VPS13B: variants seen among roughly 807,000 people sequenced by gnomAD.
VPS13B encodes vacuolar protein sorting 13 homolog B, also known as intermembrane lipid transfer protein VPS13B.
VPS13B carries 285 observed loss-of-function variants against 426.4 expected under a neutral mutation model. The observed-to-expected ratio is 0.67, with a 90% CI of 0.61 to 0.74. The LOEUF (loss-of-function observed/expected upper bound fraction) is 0.74. VPS13B is among the 30% of genes least tolerant of loss of function. The probability of loss-of-function intolerance (pLI) is 0.00; values close to 1 mark genes in which losing one functional copy is unlikely to be tolerated. For synonymous variants in VPS13B, 1,676 were observed against 1,676.4 expected (o/e 1.00, Z 0.01); for missense variants, 4,537 against 4,782.6 (o/e 0.95, Z 1.51).
intron 36 of VPS13B, among the ~76,000 whole-genome samples, chr8:99,700,883 C>T (rs1294399445): frequency 1.3e-5 from 2 of 152,008 alleles, no homozygotes; most frequent in Non-Finnish European, 2.9e-5. Flanking sequence ...AAAAGGGAAC[C>T]ATGTATTTTC....
intron 3 of VPS13B, among the ~76,000 whole-genome samples, chr8:99,062,499 G>A (rs934158817): frequency 2.6e-5 from 4 of 151,992 alleles, no homozygotes; most frequent in South Asian, 2.1e-4. Context: ...GCAGAGTTTC[G>A]CTTTTGTTGC....
chr8:99,827,302 G>A (rs1415358612), intron 51 of VPS13B, among the ~76,000 whole-genome samples: 2 of 152,074 alleles, frequency 1.3e-5, no homozygotes, highest in Non-Finnish European at 2.9e-5. Context: ...TCTTAAGAGG[G>A]TGTATGTGTC....
chr8:99,461,572 A>C (rs1437573437), intron 23 of VPS13B, among the ~76,000 whole-genome samples: 2 of 152,052 alleles, frequency 1.3e-5, no homozygotes, highest in Non-Finnish European at 2.9e-5. Context: ...AGGTTATCTA[A>C]TTGTTTTCCC....
At chr8:99,071,817 C>T in intron 3 of VPS13B, among the ~76,000 whole-genome samples, 1 of 152,178 alleles carries the variant, frequency 6.6e-6, no homozygotes. Context: ...GTTTCCTCTC[C>T]TTTTCAGAAG....
rs546620025 is a variant in VPS13B, at chr8:99,638,312, T to C, written c.5221-3499T>C. 8.5e-5 allele frequency among the ~76,000 whole-genome samples: 13 copies of C among 152,248 alleles called. No individual in the cohort carries two copies. In the East Asian group the frequency reaches 2.3e-3, roughly 27 times the overall value. ...TCAATCTCTATAAAACTCAATTTTC[T>C]CAGCTGTAAAATGGAGATAGTAGTA... is the stretch of plus-strand genomic sequence containing the variant. On this transcript the variant is annotated intron_variant, in intron 33 of 61. Transcript: ENST00000357162.
At chr8:99,213,817 T>G (rs1815239565) in intron 17 of VPS13B, among the ~76,000 whole-genome samples, 1 of 96,476 alleles carries the variant, frequency 1.0e-5, no homozygotes, top group Non-Finnish European at 2.1e-5. Flanking sequence ...AGTTGCTGGA[T>G]GCCTTTTTTT....
At chr8:99,519,041 G>A (rs1037647353) in intron 29 of VPS13B, among the ~76,000 whole-genome samples, 1 of 152,188 alleles carries the variant, frequency 6.6e-6, no homozygotes, top group African/African-American at 2.4e-5. Flanking sequence ...GGTTTATACA[G>A]CTACTATAGT....
At chr8:99,136,199 C>CT (rs548126797) in intron 11 of VPS13B, among the ~76,000 whole-genome samples, 115 of 151,952 alleles carry the variant, frequency 7.6e-4, no homozygotes, top group South Asian at 3.7e-3. Flanking sequence ...ACATTTTACT[C>CT]TTTTTTTATC....
intron 31 of VPS13B, among the ~76,000 whole-genome samples, chr8:99,569,024 A>G (rs1287667981): frequency 6.6e-6 from 1 of 151,358 alleles, no homozygotes; most frequent in Non-Finnish European, 1.5e-5. Context: ...GGGTCTCACC[A>G]TGTTAGCCAG....
intron 16 of VPS13B, among the ~76,000 whole-genome samples, chr8:99,180,269 T>C (rs1298916991): frequency 1.3e-5 from 2 of 152,226 alleles, no homozygotes; most frequent in South Asian, 4.1e-4. Context: ...TTTTGGCTCA[T>C]ATCGAGCAAG....
rs207469601 is a variant in VPS13B, at chr8:99,391,553, C to A, written c.2935-4C>A. On this transcript the variant is annotated splice_region_variant and splice_polypyrimidine_tract_variant and intron_variant, in intron 20 of 61. Coordinates refer to ENST00000357162, the MANE Select transcript of VPS13B (RefSeq NM_152564.5). ...AAAAAGGTTTTCATTTTGTCTCTTTCCAGCAGCCTGTGGTAGCTGTTCCTC... is the reference window on the plus strand; with the variant it reads ...AAAAAGGTTTTCATTTTGTCTCTTTACAGCAGCCTGTGGTAGCTGTTCCTC... 1.2e-6 allele frequency: 2 copies of A among 1,614,048 alleles called. No homozygotes were observed. The highest frequency in any genetic ancestry group is 1.3e-5 in the African/African-American group (1 of 74,916).
intron 19 of VPS13B, among the ~76,000 whole-genome samples, chr8:99,283,819 C>A (rs1193539801): frequency 1.3e-5 from 2 of 152,124 alleles, no homozygotes; most frequent in Admixed American, 1.3e-4. Flanking sequence ...AACATAGGAA[C>A]AAAGTACTTT....
At chr8:99,491,942 G>C (rs539559078) in intron 25 of VPS13B, among the ~76,000 whole-genome samples, 1 of 152,128 alleles carries the variant, frequency 6.6e-6, no homozygotes, top group East Asian at 1.9e-4. Context: ...GAGAAGAGGC[G>C]CTCTGGTTTT....
chr8:99,607,539 A>C (rs1393393487), intron 33 of VPS13B, among the ~76,000 whole-genome samples: 1 of 152,208 alleles, frequency 6.6e-6, no homozygotes, highest in African/African-American at 2.4e-5. Flanking sequence ...ATGGAAGCTC[A>C]AAAGTTAATA....
Position 99,275,249 on chromosome 8 carries a change from A to T in VPS13B, c.2819A>T (p.Asn940Ile). 1 of 1,609,500 alleles carries T rather than the reference A, an allele frequency of 6.2e-7. No homozygotes were observed. The highest frequency in any genetic ancestry group is 2.2e-5 in the East Asian group (1 of 44,600). ...QVPQYIDYCH[N>I]SGAVLLCSIQ... ...CCACAATATATTGACTACTGCCACA[A>T]TTCCGGTAAGTACAAACCTATCATT... Residue 940 changes from asparagine (N) to isoleucine (I), a missense_variant, in exon 19 of 62, where the codon AAT (asparagine) becomes ATT (isoleucine). Around this residue, in one of 2 missense-constraint regions of VPS13B, gnomAD observed 4,311 missense variants for 4,474.3 expected, o/e 0.96. Transcript: ENST00000357162.
At chr8:99,243,013 C>T (rs1588168475) in intron 17 of VPS13B, among the ~76,000 whole-genome samples, 1 of 152,012 alleles carries the variant, frequency 6.6e-6, no homozygotes. Context: ...TAGCATTGTC[C>T]CTTAGCCTTA....
chr8:99,119,358 A>C (rs915476285), intron 7 of VPS13B: 2 of 152,358 alleles, frequency 1.3e-5, no homozygotes, highest in Non-Finnish European at 2.9e-5. Context: ...CTCCAGCCTC[A>C]GCCTCCCGAG....
At chr8:99,444,168 G>A (rs1274151875) in intron 23 of VPS13B, among the ~76,000 whole-genome samples, 1 of 151,256 alleles carries the variant, frequency 6.6e-6, no homozygotes, top group Non-Finnish European at 1.5e-5. Flanking sequence ...GCACAATCCC[G>A]GCTCACTGCA....
intron 23 of VPS13B, among the ~76,000 whole-genome samples, chr8:99,456,279 G>A (rs751329476): frequency 7.9e-5 from 12 of 151,912 alleles, no homozygotes; most frequent in African/African-American, 1.7e-4. Flanking sequence ...AGTGATTCTC[G>A]TGCCTCAGCC....
Sources: gnomAD v4.1 joint callset for allele counts (sites outside exome capture counted in the v4.1 genomes callset) on GRCh38, gnomAD v4.1.1 for gene constraint, gnomAD v4.1.1 regional missense constraint, MANE v1.5 for transcripts, NCBI Gene and HGNC (gene_info 2026-07-23, HGNC 2026-07-21) for gene names.